The following CRNKL1 variants were observed in gnomAD, a reference collection of about 807,000 sequenced individuals.
CRNKL1 encodes crooked neck-like protein 1.
CRNKL1 carries 35 observed loss-of-function variants against 103.7 expected under a neutral mutation model. That is an observed-to-expected ratio of 0.34 (90% CI 0.26 to 0.45). The LOEUF is 0.45. Among genes scored for constraint, CRNKL1 ranks in the 20% least tolerant of loss-of-function variants. The pLI, the probability that CRNKL1 is intolerant of heterozygous loss-of-function variation, is 1.00. For missense variants in CRNKL1, 645 were observed against 836.0 expected (o/e 0.77, Z 2.82); for synonymous variants, 267 against 282.6 (o/e 0.94, Z 0.55).
intron 5 of CRNKL1, among the ~76,000 whole-genome samples, chr20:20,047,028 C>T (rs114212979): frequency 6.6e-6 from 1 of 152,130 alleles, no homozygotes; most frequent in Non-Finnish European, 1.5e-5. Flanking sequence ...TGTTTTTATT[C>T]TTGTTTTTAA....
At chr20:20,036,395 C>T (rs767686410) in intron 13 of CRNKL1, 33 bp from the exon 14 acceptor site, 27 of 1,604,876 alleles carry the variant, frequency 1.7e-5, no homozygotes, top group South Asian at 4.4e-5. Context: ...GATAAGCAAA[C>T]GTGGGTGATA....
chr20:20,046,067 T>C (rs1178092704), intron 5 of CRNKL1, among the ~76,000 whole-genome samples: 1 of 152,252 alleles, frequency 6.6e-6, no homozygotes, highest in Non-Finnish European at 1.5e-5. Flanking sequence ...AAGTTTTGAA[T>C]TGTCATTTTA....
intron 6 of CRNKL1, among the ~76,000 whole-genome samples, chr20:20,044,055 A>C (rs1222199981): frequency 5.3e-5 from 8 of 151,762 alleles, no homozygotes; most frequent in Non-Finnish European, 1.5e-5. Context: ...TTTTTTCCTC[A>C]TACTCCATAT....
Position 20,050,636 on chromosome 20 carries a change from A to G in CRNKL1, c.52-14T>C, listed in dbSNP as rs781446363. On this transcript the variant is annotated splice_polypyrimidine_tract_variant and intron_variant, in intron 1 of 13. Transcript: ENST00000536226. ...TTTGTTTTTCACCTTTTAAGAAAGA[A>G]GACATTTCTATTTTTAGTAGTTGCT... The G allele has an allele frequency of 1.3e-6, 2 of 1,586,664 alleles. No homozygotes were observed. The highest frequency in any genetic ancestry group is 1.7e-6 in the Non-Finnish European group (2 of 1,171,032).
intron 5 of CRNKL1, among the ~76,000 whole-genome samples, chr20:20,046,194 A>G (rs1406108807): frequency 6.6e-6 from 1 of 152,154 alleles, no homozygotes; most frequent in Non-Finnish European, 1.5e-5. Flanking sequence ...TTCCATCAGC[A>G]CCTGTGAGAA....
At chr20:20,040,330 C>CAAAAAAAAA (rs781058387) in intron 10 of CRNKL1, among the ~76,000 whole-genome samples, 5 of 79,256 alleles carry the variant, frequency 6.3e-5, no homozygotes, top group African/African-American at 9.3e-5. Context: ...ACCAAACAAA[C>CAAAAAAAAA]AAAAAAAAAA....
intron 5 of CRNKL1, among the ~76,000 whole-genome samples, chr20:20,047,173 C>T (rs2043605981): frequency 6.6e-6 from 1 of 152,186 alleles, no homozygotes; most frequent in Non-Finnish European, 1.5e-5. Context: ...CTGGCAATGG[C>T]AGCCAGGACC....
At chr20:20,052,746 T>G, upstream of CRNKL1, 1 of 1,573,776 alleles carries the variant, frequency 6.4e-7, no homozygotes, top group Non-Finnish European at 8.7e-7. Flanking sequence ...AGAACGGAGC[T>G]CCAATCTGGA....
In CRNKL1 at chr20:20,042,352, A is replaced by G. The variant is rs753567981; in HGVS notation, c.1137T>C (p.Tyr379=). Residue 379 remains tyrosine (Y), a synonymous_variant, in exon 8 of 14, where the codon TAT becomes TAC. Transcript: ENST00000536226. The part of the protein sequence containing the change: ...WKRYIYLWIN[Y]ALYEELEAKD... ...TTGCCTCCAATTCTTCATAGAGTGCATAGTTGATCCAAAGATAAATGTAGC... is the reference window on the plus strand; with the variant it reads ...TTGCCTCCAATTCTTCATAGAGTGCGTAGTTGATCCAAAGATAAATGTAGC... 13 of 1,613,150 alleles carry G rather than the reference A, an allele frequency of 8.1e-6. No homozygotes were observed. Among genetic ancestry groups the G allele is most frequent in the Non-Finnish European group, 1.0e-5 (12 of 1,179,776 alleles).
intron 2 of CRNKL1, 82 bp from the exon 3 acceptor site, chr20:20,049,513 T>A: frequency 1.5e-6 from 1 of 687,822 alleles, no homozygotes; most frequent in Non-Finnish European, 2.5e-6. Flanking sequence ...AGTCTTGTAC[T>A]AAAATGGTTA....
At chr20:20,045,845 C>T (rs1252196097) in intron 5 of CRNKL1, among the ~76,000 whole-genome samples, 1 of 152,134 alleles carries the variant, frequency 6.6e-6, no homozygotes. Context: ...AAAAATAATG[C>T]CAGCCTCACT....
intron 10 of CRNKL1, among the ~76,000 whole-genome samples, chr20:20,040,098 G>C (rs1337051928): frequency 6.6e-6 from 1 of 152,116 alleles, no homozygotes; most frequent in African/African-American, 2.4e-5. Flanking sequence ...AATAAGATTT[G>C]AAAGTTTCTC....
At chr20:20,044,690 G>C (rs1007736497) in intron 6 of CRNKL1, among the ~76,000 whole-genome samples, 8 of 152,102 alleles carry the variant, frequency 5.3e-5, no homozygotes, top group African/African-American at 1.9e-4. Context: ...CACGAACATA[G>C]CTCATTGTAG....
chr20:20,055,739 G>A (rs1209031951), upstream of CRNKL1, among the ~76,000 whole-genome samples: 1 of 152,108 alleles, frequency 6.6e-6, no homozygotes, highest in Non-Finnish European at 1.5e-5. Flanking sequence ...TTTAAAACCA[G>A]AACAAGGAAT....
upstream of CRNKL1, chr20:20,052,489 TCGCTTGAGCC>T (rs747875764): frequency 3.7e-6 from 6 of 1,614,214 alleles, no homozygotes; most frequent in Admixed American, 8.3e-5. Context: ...CTTTGACCTC[TCGCTTGAGCC>T]GTGACGGAGG....
upstream of CRNKL1, chr20:20,052,852 G>A (rs1271994101): frequency 3.5e-6 from 3 of 850,256 alleles, no homozygotes; most frequent in Non-Finnish European, 1.8e-6. Context: ...AATGCCTCGA[G>A]CATTGCATTC....
intron 2 of CRNKL1, 49 bp from the exon 3 acceptor site, chr20:20,049,480 G>T: frequency 1.1e-6 from 1 of 934,394 alleles, no homozygotes; most frequent in South Asian, 1.4e-5. Flanking sequence ...GACTAAAAAT[G>T]ACAGCACCCT....
intron 5 of CRNKL1, among the ~76,000 whole-genome samples, chr20:20,046,464 A>G (rs2146497607): frequency 6.6e-6 from 1 of 152,374 alleles, no homozygotes; most frequent in Middle Eastern, 3.4e-3. Flanking sequence ...TGCATAATAA[A>G]GTTGACTCTC....
chr20:20,055,860 A>C (rs546746247), upstream of CRNKL1: 43 of 1,028,192 alleles, frequency 4.2e-5, no homozygotes, highest in South Asian at 5.7e-4. Context: ...GGCTTTCCCT[A>C]TGAAGGAAAG....
Sources: gnomAD v4.1 joint callset for allele counts (sites outside exome capture counted in the v4.1 genomes callset) on GRCh38, gnomAD v4.1.1 for gene constraint, MANE v1.5 for transcripts, NCBI Gene and HGNC (gene_info 2026-07-23, HGNC 2026-07-21) for gene names.